Variants in GSTCD observed in about 807,000 individuals in gnomAD.
The protein encoded by GSTCD is glutathione S-transferase C-terminal domain containing.
GSTCD carries 44 observed loss-of-function variants against 68.3 expected under a neutral mutation model. The ratio of observed to expected loss-of-function variants is 0.64; its 90% CI spans 0.51 to 0.83. The LOEUF is 0.83. GSTCD is among the 40% of genes least tolerant of loss of function. The probability of loss-of-function intolerance (pLI) is 0.00; values close to 1 mark genes in which losing one functional copy is unlikely to be tolerated. For missense variants in GSTCD, 739 were observed against 735.9 expected (o/e 1.00, Z -0.05); for synonymous variants, 273 against 255.2 (o/e 1.07, Z -0.67).
chr4:105,754,911 A>C (rs1012616936), intron 5 of GSTCD, among the ~76,000 whole-genome samples: 3 of 151,978 alleles, frequency 2.0e-5, no homozygotes, highest in Non-Finnish European at 4.4e-5. Context: ...GCAATATTAC[A>C]GAAAATGACT....
At chr4:105,746,039 A>G (rs1039392034) in intron 5 of GSTCD, among the ~76,000 whole-genome samples, 3 of 152,122 alleles carry the variant, frequency 2.0e-5, no homozygotes, top group African/African-American at 7.2e-5. Flanking sequence ...TTTAGAGTAC[A>G]ATTGACCCTT....
At chr4:105,833,860 T>C (rs1223115115) in intron 8 of GSTCD, among the ~76,000 whole-genome samples, 3 of 152,204 alleles carry the variant, frequency 2.0e-5, no homozygotes, top group Non-Finnish European at 4.4e-5. Flanking sequence ...TTTCATTCAA[T>C]CCTTTTAAAA....
In GSTCD at chr4:105,719,455, G is replaced by A. The variant is rs750839255; in HGVS notation, c.822G>A (p.Glu274=). 13 of 1,613,944 alleles carry A rather than the reference G, an allele frequency of 8.1e-6. No individual in the cohort carries two copies. The highest frequency in any genetic ancestry group is 1.0e-5 in the Non-Finnish European group (12 of 1,179,966). ...AAGCCTCCGACCTTCCACCTCTGGA[G>A]CATGTGTTTGCAGAAGGGCTTTACT... The part of the protein sequence containing the change: ...KAKASDLPPL[E]HVFAEGLYFT... The change falls in exon 3 of 12, where the codon GAG becomes GAA. Residue 274 remains glutamate, a synonymous_variant. Transcript: ENST00000515279.
chr4:105,726,823 A>C lies in GSTCD; in HGVS notation c.1139A>C (p.Lys380Thr). 1 of 1,604,144 alleles carries C rather than the reference A, an allele frequency of 6.2e-7. No individual in the cohort carries two copies. Residue 380 changes from lysine (K) to threonine (T), a missense_variant, in exon 4 of 12, where the codon AAG becomes ACG. Transcript: ENST00000515279. ...FIGGPRPTMA[K>T]LMEKGIEVMF... is the part of the protein sequence containing the mutation. ...GGAGGACCAAGACCAACCATGGCCA[A>C]GTTAATGGTACTTAATTATTAACAT... is the stretch of plus-strand genomic sequence containing the variant.
intron 5 of GSTCD, among the ~76,000 whole-genome samples, chr4:105,784,893 A>T (rs943884992): frequency 6.6e-6 from 1 of 152,186 alleles, no homozygotes; most frequent in Non-Finnish European, 1.5e-5. Flanking sequence ...CACTTCCTTG[A>T]TTTCTGACAT....
intron 8 of GSTCD, among the ~76,000 whole-genome samples, chr4:105,828,384 C>T (rs1723749160): frequency 6.6e-6 from 1 of 152,050 alleles, no homozygotes; most frequent in African/African-American, 2.4e-5. Flanking sequence ...ATTATATAAT[C>T]CTTGTTTTAA....
intron 4 of GSTCD, among the ~76,000 whole-genome samples, chr4:105,728,591 A>T (rs570823231): frequency 1.3e-5 from 2 of 152,248 alleles, no homozygotes; most frequent in African/African-American, 4.8e-5. Context: ...GATACAAAGC[A>T]TTCGATGCTA....
chr4:105,798,558 A>G (rs549481549), intron 5 of GSTCD, among the ~76,000 whole-genome samples: 5 of 152,288 alleles, frequency 3.3e-5, no homozygotes, highest in African/African-American at 1.2e-4. Context: ...TGCAGAATGG[A>G]TGTTGTGTTA....
chr4:105,815,825 A>G (rs1044248612), intron 5 of GSTCD, among the ~76,000 whole-genome samples: 1 of 152,174 alleles, frequency 6.6e-6, no homozygotes, highest in Non-Finnish European at 1.5e-5. Flanking sequence ...TTTTAAAAAC[A>G]TTTCAGTTTG....
chr4:105,762,942 TA>T (rs770552506), intron 5 of GSTCD, among the ~76,000 whole-genome samples: 6 of 152,176 alleles, frequency 3.9e-5, no homozygotes, highest in Non-Finnish European at 8.8e-5. Context: ...ACTTAAAAAA[TA>T]TATTTTAGAG....
intron 4 of GSTCD, among the ~76,000 whole-genome samples, chr4:105,728,686 G>GATATAGATATAGATATAGAT (rs1733125293): frequency 2.5e-5 from 1 of 40,770 alleles, no homozygotes; most frequent in Non-Finnish European, 1.0e-4. Flanking sequence ...TAGATATATA[G>GATATAGATATAGATATAGAT]ATATAGATAT....
intron 5 of GSTCD, among the ~76,000 whole-genome samples, chr4:105,731,506 G>A (rs1578416885): frequency 6.6e-6 from 1 of 152,100 alleles, no homozygotes; most frequent in East Asian, 1.9e-4. Context: ...GTGAATGGGA[G>A]TTCACTCATA....
chr4:105,732,861 A>G (rs1733302707), intron 5 of GSTCD, among the ~76,000 whole-genome samples: 1 of 152,102 alleles, frequency 6.6e-6, no homozygotes, highest in African/African-American at 2.4e-5. Context: ...CACTGCTTTA[A>G]ATGTGTCCCA....
intron 10 of GSTCD, among the ~76,000 whole-genome samples, chr4:105,839,616 G>C (rs187344671): frequency 6.6e-6 from 1 of 152,032 alleles, no homozygotes; most frequent in African/African-American, 2.4e-5. Flanking sequence ...ATTTCAGCCC[G>C]GGTGAGAGAG....
chr4:105,729,783 G>T (rs1733167469), intron 5 of GSTCD, among the ~76,000 whole-genome samples: 1 of 152,024 alleles, frequency 6.6e-6, no homozygotes, highest in South Asian at 2.1e-4. Flanking sequence ...TAAGGTACAT[G>T]AGCACAACGT....
chr4:105,759,033 A>G (rs1461878730), intron 5 of GSTCD, among the ~76,000 whole-genome samples: 1 of 152,164 alleles, frequency 6.6e-6, no homozygotes, highest in Non-Finnish European at 1.5e-5. Context: ...TTTCTGCAGA[A>G]TATAATTTGC....
intron 5 of GSTCD, among the ~76,000 whole-genome samples, chr4:105,784,912 G>A (rs894206851): frequency 6.6e-6 from 1 of 152,116 alleles, no homozygotes; most frequent in Non-Finnish European, 1.5e-5. Flanking sequence ...ATCACAAAAT[G>A]TTCCAAGATT....
chr4:105,787,496 GATTCTGA>G (rs1735508604), intron 5 of GSTCD, among the ~76,000 whole-genome samples: 1 of 152,092 alleles, frequency 6.6e-6, no homozygotes, highest in Admixed American at 6.5e-5. Context: ...GACCACAGGT[GATTCTGA>G]CTCAGCGGGC....
At chr4:105,760,183 AAAAGAG>A (rs915743120) in intron 5 of GSTCD, among the ~76,000 whole-genome samples, 5 of 151,976 alleles carry the variant, frequency 3.3e-5, no homozygotes, top group African/African-American at 1.2e-4. Context: ...AAAAAAAAAA[AAAAGAG>A]AGAATTCAAG....
Sources: allele counts gnomAD v4.1 joint callset (sites outside exome capture counted in the v4.1 genomes callset), GRCh38; gene constraint gnomAD v4.1.1; transcripts MANE v1.5; gene names NCBI Gene and HGNC (gene_info 2026-07-23, HGNC 2026-07-21).